Variants in SAMMSON observed in about 807,000 individuals in gnomAD.
SAMMSON encodes long intergenic non-protein coding RNA 1212.
chr3:70,290,724 T>C (rs1285593113), intron 6 of SAMMSON, among the ~76,000 whole-genome samples: 1 of 152,044 alleles, frequency 6.6e-6, no homozygotes, highest in Non-Finnish European at 1.5e-5. Flanking sequence ...TCCGTGGGCG[T>C]AGGACCCTCC....
At chr3:70,305,562 T>A (rs1167480021) in intron 7 of SAMMSON, among the ~76,000 whole-genome samples, 1 of 152,230 alleles carries the variant, frequency 6.6e-6, no homozygotes, top group African/African-American at 2.4e-5. Context: ...ATGAGTTCCT[T>A]GAGGGCAGGA....
chr3:70,298,280 A>T (rs1482387759), intron 7 of SAMMSON, among the ~76,000 whole-genome samples: 1 of 151,978 alleles, frequency 6.6e-6, no homozygotes, highest in Non-Finnish European at 1.5e-5. Flanking sequence ...CCACACTTTG[A>T]TGTGATATGT....
intron 3 of SAMMSON, among the ~76,000 whole-genome samples, chr3:70,039,593 TCACACACACACACACACACACACACA>T (rs56058406): frequency 6.6e-5 from 9 of 135,612 alleles, no homozygotes; most frequent in Non-Finnish European, 3.1e-5. Context: ...ACACATCTCT[TCACACACACACACACACACACACACA>T]CACACACACA....
At chr3:70,017,066 G>T (rs1415109115) in intron 3 of SAMMSON, among the ~76,000 whole-genome samples, 4 of 152,112 alleles carry the variant, frequency 2.6e-5, no homozygotes, top group Non-Finnish European at 5.9e-5. Context: ...ACTTGGCGAT[G>T]TGGGCTCTTT....
intron 7 of SAMMSON, among the ~76,000 whole-genome samples, chr3:70,294,454 C>T (rs1702270925): frequency 6.6e-6 from 1 of 151,802 alleles, no homozygotes; most frequent in South Asian, 2.1e-4. Flanking sequence ...CCATATATTC[C>T]CTGACAGTTT....
chr3:70,186,346 T>A (rs1701092054), intron 4 of SAMMSON, among the ~76,000 whole-genome samples: 1 of 152,076 alleles, frequency 6.6e-6, no homozygotes, highest in Admixed American at 6.6e-5. Flanking sequence ...GCAGCCTTGA[T>A]GTCCTGGGCT....
chr3:70,096,858 C>T (rs1202219283), intron 4 of SAMMSON, among the ~76,000 whole-genome samples: 1 of 152,148 alleles, frequency 6.6e-6, no homozygotes, highest in Non-Finnish European at 1.5e-5. Context: ...CCCTAAAGAA[C>T]TATGAGGTGT....
At chr3:70,036,413 G>A (rs2067085245) in intron 3 of SAMMSON, among the ~76,000 whole-genome samples, 2 of 152,094 alleles carry the variant, frequency 1.3e-5, no homozygotes, top group Non-Finnish European at 2.9e-5. Flanking sequence ...GGTTTGAAGG[G>A]ATTGATATCA....
At chr3:70,015,987 A>T (rs905228979) in intron 3 of SAMMSON, among the ~76,000 whole-genome samples, 5 of 152,162 alleles carry the variant, frequency 3.3e-5, no homozygotes, top group African/African-American at 4.8e-5. Context: ...GGTTGGTTGC[A>T]AGTCTTTGCT....
intron 9 of SAMMSON, among the ~76,000 whole-genome samples, chr3:70,374,556 G>A (rs557822732): frequency 6.6e-6 from 1 of 152,162 alleles, no homozygotes; most frequent in South Asian, 2.1e-4. Context: ...GGCATTTTTG[G>A]TTCCCCATGA....
intron 2 of SAMMSON, among the ~76,000 whole-genome samples, chr3:70,395,331 CTTTTTTT>C (rs71126501): frequency 8.8e-6 from 1 of 113,678 alleles, no homozygotes; most frequent in African/African-American, 3.5e-5. Context: ...CTCTCTCTCT[CTTTTTTT>C]TTTTTTTTTT....
chr3:70,279,478 C>G (rs1450793867), intron 6 of SAMMSON, among the ~76,000 whole-genome samples: 1 of 152,036 alleles, frequency 6.6e-6, no homozygotes, highest in East Asian at 1.9e-4. Context: ...TCCCCTGTAC[C>G]ACACACAAAT....
intron 4 of SAMMSON, among the ~76,000 whole-genome samples, chr3:70,149,294 G>C (rs1299148096): frequency 6.6e-6 from 1 of 152,050 alleles, no homozygotes; most frequent in Non-Finnish European, 1.5e-5. Flanking sequence ...TCTGTTAGGG[G>C]ACAAAGCAGA....
chr3:70,131,799 A>C lies in SAMMSON; in HGVS notation n.507+60234A>C, dbSNP rs2067483981. On this transcript the variant is annotated intron_variant and non_coding_transcript_variant, in intron 4 of 9. Coordinates refer to ENST00000642114, the Ensembl canonical transcript of SAMMSON. ...GGGTCTCACTAAATTGCTCGTCTAG[A>C]ACTCCTGATCCCAATTGATCCACCC... Among the ~76,000 whole-genome samples the C allele has an allele frequency of 5.3e-5, 8 of 152,102 alleles. No homozygotes were observed. The South Asian group carries it at 1.7e-3, about 32-fold the overall frequency.
chr3:70,421,817 G>C (rs748040282), intron 2 of SAMMSON, among the ~76,000 whole-genome samples: 2 of 152,046 alleles, frequency 1.3e-5, no homozygotes, highest in Non-Finnish European at 2.9e-5. Flanking sequence ...GAGAAATGTA[G>C]GTGATTCACA....
chr3:70,224,656 T>C (rs1236919186), intron 4 of SAMMSON, among the ~76,000 whole-genome samples: 1 of 152,102 alleles, frequency 6.6e-6, no homozygotes, highest in Non-Finnish European at 1.5e-5. Context: ...CTTCCTGCAA[T>C]ACTTGGGAAT....
intron 4 of SAMMSON, among the ~76,000 whole-genome samples, chr3:70,241,018 C>T (rs983293436): frequency 3.9e-5 from 6 of 152,068 alleles, no homozygotes; most frequent in Non-Finnish European, 8.8e-5. Flanking sequence ...TCGTGTCCAC[C>T]CATTTTTACA....
In SAMMSON at chr3:70,404,493, T is replaced by C. The variant is rs1038007754; in HGVS notation, n.233+46169T>C. ...CTACACTGACTTGATATAATTAATC[T>C]TCTTGGGATTCAAGCATAAGAATAA... On this transcript the variant is annotated intron_variant and non_coding_transcript_variant, in intron 2 of 3. Transcript: ENST00000641053. 4.6e-5 allele frequency among the ~76,000 whole-genome samples: 7 copies of C among 152,092 alleles called. 1 individual carries two copies. The highest frequency in any genetic ancestry group is 8.8e-5 in the Non-Finnish European group (6 of 68,004).
At chr3:70,326,870 A>T (rs1003217627) in intron 7 of SAMMSON, among the ~76,000 whole-genome samples, 6 of 152,212 alleles carry the variant, frequency 3.9e-5, no homozygotes, top group South Asian at 2.1e-4. Context: ...ATATATATAT[A>T]TTTTTTGAGA....
Sources: allele counts gnomAD v4.1 joint callset (sites outside exome capture counted in the v4.1 genomes callset), GRCh38; gene constraint gnomAD v4.1.1; transcripts MANE v1.5; gene names NCBI Gene and HGNC (gene_info 2026-07-23, HGNC 2026-07-21).